Variants in TRAF3IP1 observed in about 807,000 individuals in gnomAD.
TRAF3IP1 encodes intraflagellar transport 54.
Under a neutral mutation model 89.9 loss-of-function variants are expected in TRAF3IP1, and 53 were observed. The observed-to-expected ratio is 0.59, with a 90% CI of 0.47 to 0.74. The LOEUF (loss-of-function observed/expected upper bound fraction) is 0.74, where lower values mean the gene tolerates loss of function less well. TRAF3IP1 is among the 30% of genes least tolerant of loss of function. The pLI, the probability that TRAF3IP1 is intolerant of heterozygous loss-of-function variation, is 0.00. For synonymous variants in TRAF3IP1, 311 were observed against 322.1 expected (o/e 0.97, Z 0.37); for missense variants, 806 against 866.1 (o/e 0.93, Z 0.87).
At position 238,397,537 on chromosome 2, in the gene TRAF3IP1, A is replaced by T; in HGVS notation, c.1768A>T (p.Ile590Phe). ...SKEIEKLRTSIQTLCKSALPL... is the reference protein window; with the variant it reads ...SKEIEKLRTSFQTLCKSALPL... ...GGAGATAGAGAAGCTCCGCACGTCC[A>T]TCCAGACCCTGTGCAAGAGCGCACT... The change falls in exon 16 of 17, where the codon ATC (isoleucine) becomes TTC (phenylalanine). Residue 590 changes from isoleucine (I) to phenylalanine (F), a missense_variant. This residue lies in a region of TRAF3IP1 where 732 missense variants were observed against 780.5 expected (regional missense o/e 0.94). Coordinates refer to ENST00000373327, the MANE Select transcript of TRAF3IP1 (RefSeq NM_015650.4). The T allele has an allele frequency of 6.2e-7, 1 of 1,613,160 alleles. No individual in the cohort carries two copies. Among genetic ancestry groups the T allele is most frequent in the Non-Finnish European group, 8.5e-7 (1 of 1,179,958 alleles).
Position 238,400,060 on chromosome 2 carries a change from A to C in TRAF3IP1, c.*1141A>C, listed in dbSNP as rs1011905559. On this transcript the variant is annotated 3_prime_UTR_variant, in exon 17 of 17. Coordinates refer to ENST00000373327, the MANE Select transcript of TRAF3IP1 (RefSeq NM_015650.4). ...TTATGTAAACTGAGGAGTGCCATTT[A>C]AAGTGTGAGGATTGCCTGAAAAGGT... is the stretch of plus-strand genomic sequence containing the variant. 2.0e-5 allele frequency: 3 copies of C among 151,654 alleles called. No individual in the cohort carries two copies. Among genetic ancestry groups the C allele is most frequent in the African/African-American group, 7.3e-5 (3 of 41,274 alleles). 9.4% of individuals were successfully genotyped at this position (151,654 alleles called of 1,614,324 possible).
rs1699190519 is a variant in TRAF3IP1 at position 238,351,909 on chromosome 2, G to C, written c.1452-918G>C. On this transcript the variant is annotated intron_variant, in intron 12 of 16. Coordinates refer to ENST00000373327, the MANE Select transcript of TRAF3IP1 (RefSeq NM_015650.4). The surrounding 1 kb of genome is among the most constrained non-coding windows in gnomAD (Gnocchi z 5.2). ...CGTGCATGTGCTTGTGTGTATGCGT[G>C]TGTGTGTGTGTGTGTGTGTATGCAT... is the stretch of plus-strand genomic sequence containing the variant. Among the ~76,000 whole-genome samples, 1 of 142,570 alleles carries C rather than the reference G, an allele frequency of 7.0e-6. No individual in the cohort carries two copies. The highest frequency in any genetic ancestry group is 6.8e-5 in the Admixed American group (1 of 14,636). The allele number at this position is 142,570 out of a possible 152,430, so 93.5% of individuals were successfully genotyped here.
intron 15 of TRAF3IP1, among the ~76,000 whole-genome samples, chr2:238,364,141 C>T (rs1458984056): frequency 6.6e-6 from 1 of 151,994 alleles, no homozygotes; most frequent in Non-Finnish European, 1.5e-5. Context: ...CTTCCTTAGT[C>T]TTGATACTTT....
At chr2:238,378,355 C>G (rs1037094880) in intron 15 of TRAF3IP1, among the ~76,000 whole-genome samples, 6 of 152,242 alleles carry the variant, frequency 3.9e-5, no homozygotes, top group African/African-American at 1.4e-4. Context: ...CACCAGCCAT[C>G]TGGCACCTGC....
In TRAF3IP1 at chr2:238,351,860, T is replaced by TGC. The variant is rs1325732559; in HGVS notation, c.1452-966_1452-965insCG. Among the ~76,000 whole-genome samples, 509 of 92,692 alleles carry TGC rather than the reference T, an allele frequency of 5.5e-3. 1 individual carries two copies. The highest frequency in any genetic ancestry group is 0.01 in the Middle Eastern group (2 of 196). The allele number at this position is 92,692 out of a possible 152,430, so 60.8% of individuals were successfully genotyped here. On this transcript the variant is annotated intron_variant, in intron 12 of 16. Transcript: ENST00000373327. This position sits in a 1 kb window ranked among gnomAD's most constrained non-coding sequence, Gnocchi z 5.2. ...GTGTGTGTGTGTGTGTGTGTGTGTG[T>TGC]GTGTGTGCGCGCGCGCGCGTGTGCG...
intron 15 of TRAF3IP1, among the ~76,000 whole-genome samples, chr2:238,361,445 G>A (rs543304274): frequency 6.6e-6 from 1 of 151,908 alleles, no homozygotes; most frequent in East Asian, 1.9e-4. Flanking sequence ...TTTTGATTTT[G>A]TCTGAAGAAG....
chr2:238,328,343 C>A (rs1010777572), intron 3 of TRAF3IP1, among the ~76,000 whole-genome samples: 1 of 152,068 alleles, frequency 6.6e-6, no homozygotes, highest in African/African-American at 2.4e-5. Context: ...ATTCTATGAT[C>A]CCATTAGAAG....
intron 15 of TRAF3IP1, among the ~76,000 whole-genome samples, chr2:238,380,593 C>T (rs1439005216): frequency 6.6e-6 from 1 of 152,166 alleles, no homozygotes; most frequent in East Asian, 1.9e-4. Flanking sequence ...GACTTGGAGG[C>T]TTGTTTCCAG....
intron 15 of TRAF3IP1, among the ~76,000 whole-genome samples, chr2:238,358,112 CA>C (rs751706223): frequency 1.4e-4 from 19 of 138,412 alleles, no homozygotes; most frequent in African/African-American, 3.0e-4. Context: ...ATTTTTGTTA[CA>C]TTTTTTTTTT....
chr2:238,324,729 C>G (rs4663875), intron 1 of TRAF3IP1, among the ~76,000 whole-genome samples: 110,482 of 151,972 alleles, frequency 0.73, 40,396 homozygotes, highest in Middle Eastern at 0.79. Context: ...TCAGCCTCCC[C>G]AGTAGTTGGG....
At chr2:238,347,343 G>T in intron 9 of TRAF3IP1, 112 bp from the exon 10 acceptor site, 2 of 1,097,964 alleles carry the variant, frequency 1.8e-6, no homozygotes, top group Non-Finnish European at 2.7e-6. Context: ...TTTTTTCTTA[G>T]CAGACATCCA....
intron 15 of TRAF3IP1, among the ~76,000 whole-genome samples, chr2:238,357,583 T>G (rs942838895): frequency 6.6e-6 from 1 of 152,216 alleles, no homozygotes; most frequent in Non-Finnish European, 1.5e-5. Flanking sequence ...TGGAGAATGT[T>G]GTCGGCGGAG....
At chr2:238,381,091 G>A (rs1700527056) in intron 15 of TRAF3IP1, among the ~76,000 whole-genome samples, 2 of 149,588 alleles carry the variant, frequency 1.3e-5, no homozygotes, top group South Asian at 4.2e-4. Flanking sequence ...ACAATGACGG[G>A]ATTTGGGTAG....
chr2:238,392,210 A>T (rs1408467458), intron 15 of TRAF3IP1, among the ~76,000 whole-genome samples: 2 of 152,158 alleles, frequency 1.3e-5, no homozygotes, highest in Admixed American at 1.3e-4. Flanking sequence ...GTAAAGAAAA[A>T]ATAGTAGAAA....
intron 5 of TRAF3IP1, among the ~76,000 whole-genome samples, chr2:238,332,593 C>T (rs1278914418): frequency 5.9e-5 from 9 of 152,116 alleles, no homozygotes; most frequent in African/African-American, 1.7e-4. Context: ...AGTCCTTGCC[C>T]ACCTACTCTG....
At chr2:238,388,949 G>A (rs181565663) in intron 15 of TRAF3IP1, among the ~76,000 whole-genome samples, 116 of 152,230 alleles carry the variant, frequency 7.6e-4, no homozygotes, top group Non-Finnish European at 1.5e-3. Context: ...ACAAACTTTT[G>A]ACAGGTTGCA....
In TRAF3IP1 at chr2:238,329,021, C is replaced by G. The variant is rs1167155308; in HGVS notation, c.594C>G (p.Asp198Glu). The G allele has an allele frequency of 1.3e-6, 2 of 1,551,094 alleles. No homozygotes were observed. Among genetic ancestry groups the G allele is most frequent in the East Asian group, 2.4e-5 (1 of 40,914 alleles). Residue 198 changes from aspartate (D) to glutamate (E), a missense_variant, in exon 5 of 17, where the codon GAC becomes GAG. Physicochemically the swap from Asp to Glu is conservative, Grantham distance 45. Coordinates refer to ENST00000373327, the MANE Select transcript of TRAF3IP1 (RefSeq NM_015650.4). ...LKEDRKPREK[D>E]KDKEKAKENG... ...AAGACCGCAAGCCAAGAGAAAAGGA[C>G]AAGGACAAGGAGAAGGCCAAGGAGA...
At chr2:238,356,366 G>A (rs979706254) in intron 15 of TRAF3IP1, among the ~76,000 whole-genome samples, 4 of 152,108 alleles carry the variant, frequency 2.6e-5, no homozygotes, top group Admixed American at 2.6e-4. Flanking sequence ...GTGTGGTGGC[G>A]CATGCCTGTA....
intron 15 of TRAF3IP1, among the ~76,000 whole-genome samples, chr2:238,390,206 A>T (rs940182822): frequency 2.0e-5 from 3 of 152,188 alleles, no homozygotes; most frequent in South Asian, 2.1e-4. Context: ...CCTAACTTGG[A>T]GAAACTGCCT....
Sources: gnomAD v4.1 joint callset for allele counts (sites outside exome capture counted in the v4.1 genomes callset) on GRCh38, gnomAD v4.1.1 for gene constraint, gnomAD v4.1.1 regional missense constraint, Gnocchi (gnomAD v3.1) non-coding constraint, MANE v1.5 for transcripts, NCBI Gene and HGNC (gene_info 2026-07-23, HGNC 2026-07-21) for gene names.